TBC1D21: variants seen among roughly 807,000 people sequenced by gnomAD.
TBC1D21 encodes the protein male germ cell Rab GTPase-activating protein.
A neutral mutation model predicts 46.0 loss-of-function variants in TBC1D21; 38 were observed. That is an observed-to-expected ratio of 0.83 (90% CI 0.64 to 1.08). The LOEUF is 1.08. Ranked by LOEUF, TBC1D21 falls within the 50% of genes least tolerant of loss-of-function variation. The pLI is 0.00. For missense variants in TBC1D21, 415 were observed against 417.9 expected (o/e 0.99, Z 0.06); for synonymous variants, 151 against 157.2 (o/e 0.96, Z 0.29).
At chr15:73,878,416 C>T (rs570317093) in intron 1 of TBC1D21, among the ~76,000 whole-genome samples, 5 of 152,238 alleles carry the variant, frequency 3.3e-5, no homozygotes, top group South Asian at 2.1e-4. Flanking sequence ...AAAGCCACTA[C>T]GACTACTAAG....
chr15:73,890,210 T>C (rs57204809), downstream of TBC1D21, among the ~76,000 whole-genome samples: 2 of 152,278 alleles, frequency 1.3e-5, no homozygotes, highest in East Asian at 3.9e-4. Context: ...CTGGCACTCT[T>C]AGTGACCATC....
In TBC1D21 at chr15:73,887,751, G is replaced by A. The variant is rs201159826; in HGVS notation, c.894+15G>A. 297 of 1,608,080 alleles carry A rather than the reference G, an allele frequency of 1.8e-4. 1 individual carries two copies. Among genetic ancestry groups the A allele is most frequent in the Admixed American group, 4.0e-4 (24 of 59,950 alleles). ...ACATCCTCCTGGTGAGAGCACCCTC[G>A]GGCAAGCTACCACCCCTGCTCCTGG... On this transcript the variant is annotated intron_variant, in intron 9 of 10. Transcript: ENST00000300504.
chr15:73,887,775 G>A, intron 9 of TBC1D21, 39 bp downstream of exon 9: 1 of 1,573,676 alleles, frequency 6.4e-7, no homozygotes, highest in Non-Finnish European at 8.7e-7. Flanking sequence ...CCCTGCTCCT[G>A]GAGGCCCTGA....
intron 1 of TBC1D21, among the ~76,000 whole-genome samples, chr15:73,878,704 G>A (rs550194017): frequency 4.7e-4 from 71 of 152,182 alleles, no homozygotes; most frequent in Non-Finnish European, 8.2e-4. Context: ...CTGGCTTACA[G>A]ATTCAATACA....
the TBC1D21 span, among the ~76,000 whole-genome samples, chr15:73,901,180 AG>A: frequency 2.0e-5 from 3 of 152,200 alleles, no homozygotes; most frequent in African/African-American, 7.2e-5. Context: ...AGCATGGCCG[AG>A]GGCTCAAAGT....
At chr15:73,883,339 G>A (rs1385956999) in intron 3 of TBC1D21, among the ~76,000 whole-genome samples, 1 of 152,234 alleles carries the variant, frequency 6.6e-6, no homozygotes, top group Non-Finnish European at 1.5e-5. Context: ...AAACTGGGTG[G>A]CTTCCGACAA....
At chr15:73,906,788 C>T in the TBC1D21 span, among the ~76,000 whole-genome samples, 2 of 152,192 alleles carry the variant, frequency 1.3e-5, no homozygotes, top group Admixed American at 6.5e-5. Context: ...GTGCTGAGTA[C>T]TATTTTTTGG....
At position 73,886,165 on chromosome 15, in the gene TBC1D21, G is replaced by A; in HGVS notation, c.667G>A (p.Glu223Lys). The change falls in exon 7 of 11, where the codon GAG becomes AAG. Residue 223 changes from glutamate (E) to lysine (K), a missense_variant. Glu to Lys is a moderately conservative substitution (Grantham distance 56). Transcript: ENST00000300504. ...LITFLDPVFA[E>K]HLKGKGAGAV... ...CACCTTCCTGGACCCCGTGTTTGCT[G>A]AGCACCTAAGTGAGTGGTTCCCACC... The A allele has an allele frequency of 6.2e-7, 1 of 1,614,142 alleles. No individual in the cohort carries two copies. Among genetic ancestry groups the A allele is most frequent in the Non-Finnish European group, 8.5e-7 (1 of 1,180,004 alleles).
At chr15:73,903,996 T>C in the TBC1D21 span, among the ~76,000 whole-genome samples, 4 of 152,144 alleles carry the variant, frequency 2.6e-5, no homozygotes, top group African/African-American at 9.7e-5. Flanking sequence ...TGCAGTGAGC[T>C]GAGATCACGC....
the TBC1D21 span, among the ~76,000 whole-genome samples, chr15:73,906,629 A>G: frequency 6.6e-6 from 1 of 152,144 alleles, no homozygotes; most frequent in African/African-American, 2.4e-5. Context: ...TGTTTGGGAA[A>G]TCCAAGCCCA....
intron 1 of TBC1D21, among the ~76,000 whole-genome samples, chr15:73,874,186 A>G (rs2068018951): frequency 6.6e-6 from 1 of 152,230 alleles, no homozygotes; most frequent in Non-Finnish European, 1.5e-5. Flanking sequence ...AGTCATAAAA[A>G]TTTTCCACAC....
chr15:73,875,858 T>C (rs565048772), intron 1 of TBC1D21, among the ~76,000 whole-genome samples: 2 of 152,298 alleles, frequency 1.3e-5, no homozygotes, highest in Non-Finnish European at 2.9e-5. Context: ...TTAGGTTGGT[T>C]GAGCAAAGAA....
At chr15:73,900,574 C>G in the TBC1D21 span, among the ~76,000 whole-genome samples, 2 of 152,180 alleles carry the variant, frequency 1.3e-5, no homozygotes, top group Admixed American at 1.3e-4. Context: ...AGAGCAAACT[C>G]GCTGGATCCA....
At chr15:73,886,817 C>T (rs1256585545) in intron 8 of TBC1D21, among the ~76,000 whole-genome samples, 1 of 152,202 alleles carries the variant, frequency 6.6e-6, no homozygotes, top group East Asian at 1.9e-4. Context: ...ACACAAAGGC[C>T]CCACTGACTG....
chr15:73,882,985 G>C (rs539283602), intron 3 of TBC1D21, among the ~76,000 whole-genome samples: 1 of 152,348 alleles, frequency 6.6e-6, no homozygotes, highest in South Asian at 2.1e-4. Flanking sequence ...GCCCTCTCCT[G>C]ACCTTGCCTG....
the TBC1D21 span, among the ~76,000 whole-genome samples, chr15:73,903,895 A>C: frequency 6.6e-6 from 1 of 152,116 alleles, no homozygotes; most frequent in Non-Finnish European, 1.5e-5. Flanking sequence ...AAAAATAAAA[A>C]AAGTTAGCTG....
At chr15:73,896,358 G>T in the TBC1D21 span, among the ~76,000 whole-genome samples, 2 of 84,208 alleles carry the variant, frequency 2.4e-5, no homozygotes, top group African/African-American at 7.0e-5. Flanking sequence ...ACAAAGGATA[G>T]AAATGATGAC....
At chr15:73,887,529 T>C in intron 8 of TBC1D21, 91 bp from the exon 9 acceptor site, 1 of 1,075,484 alleles carries the variant, frequency 9.3e-7, no homozygotes. Context: ...AATGGCTGAC[T>C]CCAGGCACGT....
At chr15:73,875,609 C>T (rs2068047008) in intron 1 of TBC1D21, among the ~76,000 whole-genome samples, 1 of 152,196 alleles carries the variant, frequency 6.6e-6, no homozygotes, top group South Asian at 2.1e-4. Context: ...TTCTGGTCCC[C>T]TTCCCCAGGG....
Sources: allele counts gnomAD v4.1 joint callset (sites outside exome capture counted in the v4.1 genomes callset), GRCh38; gene constraint gnomAD v4.1.1; transcripts MANE v1.5; gene names NCBI Gene and HGNC (gene_info 2026-07-23, HGNC 2026-07-21).